PTPN4: variants seen among roughly 807,000 people sequenced by gnomAD.
PTPN4 encodes protein tyrosine phosphatase non-receptor type 4, also known as tyrosine-protein phosphatase non-receptor type 4.
Under a neutral mutation model 135.5 loss-of-function variants are expected in PTPN4, and 49 were observed. The observed-to-expected ratio is 0.36, with a 90% CI of 0.29 to 0.46. The LOEUF is 0.46. PTPN4 is among the 20% of genes least tolerant of loss of function. The pLI is 1.00. For missense variants in PTPN4, 860 were observed against 1,101.0 expected, an observed-to-expected ratio of 0.78 and a Z score of 3.10; for synonymous variants, 333 against 369.9, an observed-to-expected ratio of 0.90 and a Z score of 1.14.
At chr2:119,789,330 A>C (rs553396713) in intron 1 of PTPN4, among the ~76,000 whole-genome samples, 1 of 152,168 alleles carries the variant, frequency 6.6e-6, no homozygotes, top group Non-Finnish European at 1.5e-5. Context: ...CATTAGGTTC[A>C]TCTGATACAT....
chr2:119,922,832 A>T (rs931098802), intron 12 of PTPN4, among the ~76,000 whole-genome samples: 1 of 152,210 alleles, frequency 6.6e-6, no homozygotes, highest in Non-Finnish European at 1.5e-5. Context: ...TGAACATTCA[A>T]ATTCTTTAAT....
Position 119,844,174 on chromosome 2 carries a change from C to G in PTPN4, c.139-18362C>G, listed in dbSNP as rs866984715. ...GGGCCGACGCCCCCCACCTCCCTCC[C>G]GGACGGGGCGGCTGGCCGGGCAGAG... On this transcript the variant is annotated intron_variant, in intron 2 of 26. Coordinates refer to ENST00000263708, the MANE Select transcript of PTPN4 (RefSeq NM_002830.4). Among the ~76,000 whole-genome samples the G allele has an allele frequency of 3.0e-3, 351 of 118,174 alleles. 5 individuals carry two copies. Among genetic ancestry groups the G allele is most frequent in the African/African-American group, 0.011 (329 of 30,030 alleles). The allele number at this position is 118,174 out of a possible 152,430, so 77.5% of individuals were successfully genotyped here.
intron 1 of PTPN4, among the ~76,000 whole-genome samples, chr2:119,769,437 G>T (rs539562294): frequency 6.6e-6 from 1 of 152,318 alleles, no homozygotes; most frequent in South Asian, 2.1e-4. Context: ...TTCTTAAAAG[G>T]GGGAGTGGGG....
intron 3 of PTPN4, among the ~76,000 whole-genome samples, chr2:119,874,820 A>G (rs1186935769): frequency 1.3e-5 from 2 of 152,194 alleles, no homozygotes; most frequent in African/African-American, 2.4e-5. Context: ...GTCTTGGCAT[A>G]TGCATTTTAT....
chr2:119,917,569 A>G (rs1356481416), intron 11 of PTPN4, among the ~76,000 whole-genome samples: 2 of 152,156 alleles, frequency 1.3e-5, no homozygotes, highest in Non-Finnish European at 2.9e-5. Flanking sequence ...CCCCATCTCT[A>G]CTAAAATACA....
At chr2:119,908,736 T>C (rs750706688) in intron 10 of PTPN4, among the ~76,000 whole-genome samples, 4 of 152,170 alleles carry the variant, frequency 2.6e-5, no homozygotes, top group African/African-American at 4.8e-5. Flanking sequence ...TTAAGTTCAG[T>C]GAGGAAGGCA....
chr2:119,916,595 C>T (rs995365260), intron 11 of PTPN4: 3 of 151,860 alleles, frequency 2.0e-5, no homozygotes, highest in African/African-American at 7.3e-5. Flanking sequence ...GTATATGTAC[C>T]GCCTTCTAAT....
intron 1 of PTPN4, among the ~76,000 whole-genome samples, chr2:119,771,956 A>C (rs929959599): frequency 2.0e-5 from 3 of 152,138 alleles, no homozygotes; most frequent in Admixed American, 6.5e-5. Flanking sequence ...TTCTTTTGTT[A>C]TCTCTCCATC....
chr2:119,760,935 A>G (rs1208450974), intron 1 of PTPN4, among the ~76,000 whole-genome samples: 1 of 151,210 alleles, frequency 6.6e-6, no homozygotes, highest in Non-Finnish European at 1.5e-5. Flanking sequence ...CAGGGTTTCC[A>G]TAAAATGGAA....
chr2:119,904,831 C>T (rs1231772469), intron 10 of PTPN4, among the ~76,000 whole-genome samples: 2 of 152,114 alleles, frequency 1.3e-5, no homozygotes, highest in African/African-American at 4.8e-5. Context: ...GAAATAAAGT[C>T]TTTCTGAGAT....
Position 119,982,344 on chromosome 2 carries a change from A to G in PTPN4, c.*5274A>G, listed in dbSNP as rs1679708158. 1 of 152,196 alleles carries G rather than the reference A, an allele frequency of 6.6e-6. No homozygotes were observed. Among genetic ancestry groups the G allele is most frequent in the South Asian group, 2.1e-4 (1 of 4,830 alleles). The allele number at this position is 152,196 out of a possible 1,614,324, so 9.4% of individuals were successfully genotyped here. ...TTCATGCTGTAAAGAAAATGAATGT[A>G]TCTTTCAAATGTCATTAGAATTATG... On this transcript the variant is annotated 3_prime_UTR_variant, in exon 27 of 27. Coordinates refer to ENST00000263708, the MANE Select transcript of PTPN4 (RefSeq NM_002830.4).
chr2:119,912,490 T>C (rs1258769823), intron 10 of PTPN4, among the ~76,000 whole-genome samples: 3 of 152,212 alleles, frequency 2.0e-5, no homozygotes, highest in Non-Finnish European at 4.4e-5. Flanking sequence ...ATTGGTGGTA[T>C]AATGATGAGC....
intron 5 of PTPN4, among the ~76,000 whole-genome samples, chr2:119,881,004 C>G (rs1678063332): frequency 6.6e-6 from 1 of 151,938 alleles, no homozygotes; most frequent in Admixed American, 6.6e-5. Flanking sequence ...TTAAGATTTC[C>G]TGGTTAAACA....
At chr2:119,793,846 G>GTTTTTTTTTTTTTT (rs55956611) in intron 1 of PTPN4, among the ~76,000 whole-genome samples, 3 of 24,800 alleles carry the variant, frequency 1.2e-4, no homozygotes, top group African/African-American at 3.7e-4. Flanking sequence ...TTCATTTTTA[G>GTTTTTTTTTTTTTT]TTTTTTTTTT....
chr2:119,838,402 G>A lies in PTPN4; in HGVS notation c.139-24134G>A, dbSNP rs1376697277. 2.6e-5 allele frequency among the ~76,000 whole-genome samples: 4 copies of A among 152,116 alleles called. No individual in the cohort carries two copies. In the East Asian group the frequency reaches 7.7e-4, roughly 29 times the overall value. ...CGAAGTGACACCCCATGAATTCTGT[G>A]ACATTAATATTTACTGTTTCCATTT... On this transcript the variant is annotated intron_variant, in intron 2 of 26. Coordinates refer to ENST00000263708, the MANE Select transcript of PTPN4 (RefSeq NM_002830.4).
chr2:119,861,428 A>G (rs1490973808), intron 2 of PTPN4, among the ~76,000 whole-genome samples: 1 of 152,208 alleles, frequency 6.6e-6, no homozygotes, highest in Non-Finnish European at 1.5e-5. Flanking sequence ...TTTCTAATAT[A>G]TGTTGTATAT....
At chr2:119,874,921 G>A (rs1427152098) in intron 3 of PTPN4, among the ~76,000 whole-genome samples, 2 of 152,096 alleles carry the variant, frequency 1.3e-5, no homozygotes, top group East Asian at 1.9e-4. Context: ...TTCTTCTCAC[G>A]TGTGTGTCAT....
chr2:119,836,923 C>T (rs1021756519), intron 2 of PTPN4, among the ~76,000 whole-genome samples: 17 of 152,180 alleles, frequency 1.1e-4, no homozygotes, highest in Admixed American at 3.3e-4. Flanking sequence ...TGGCTCGTCA[C>T]GGGCCTCCAG....
rs1055879365 is a variant in PTPN4 at position 119,957,794 on chromosome 2, C to T, written c.2133+717C>T. On this transcript the variant is annotated intron_variant, in intron 22 of 26. Coordinates refer to ENST00000263708, the MANE Select transcript of PTPN4 (RefSeq NM_002830.4). ...TCACCTTTACCAGGTTCTTTTGAAG[C>T]AGATCTTTATATCATATCGTTCATC... is the stretch of plus-strand genomic sequence containing the variant. 5.9e-5 allele frequency among the ~76,000 whole-genome samples: 9 copies of T among 152,152 alleles called. No homozygotes were observed. In the South Asian group the frequency reaches 1.9e-3, roughly 32 times the overall value.
Sources: gnomAD v4.1 joint callset for allele counts (sites outside exome capture counted in the v4.1 genomes callset) on GRCh38, gnomAD v4.1.1 for gene constraint, MANE v1.5 for transcripts, NCBI Gene and HGNC (gene_info 2026-07-23, HGNC 2026-07-21) for gene names.